The following GPATCH2 variants were observed in gnomAD, a reference collection of about 807,000 sequenced individuals.
The protein encoded by GPATCH2 is G-patch domain containing 2.
Under a neutral mutation model 58.0 loss-of-function variants are expected in GPATCH2, and 51 were observed. That is an observed-to-expected ratio of 0.88 (90% CI 0.70 to 1.11). The LOEUF (loss-of-function observed/expected upper bound fraction) is 1.11, where lower values mean the gene tolerates loss of function less well. GPATCH2 is among the 50% of genes most tolerant of loss of function. The probability of loss-of-function intolerance (pLI) is 0.00; values close to 1 mark genes in which losing one functional copy is unlikely to be tolerated. For synonymous variants in GPATCH2, 222 were observed against 218.5 expected (o/e 1.02, Z -0.14); for missense variants, 625 against 652.2 (o/e 0.96, Z 0.45).
chr1:217,567,530 C>A (rs1016677820), intron 5 of GPATCH2, among the ~76,000 whole-genome samples: 1 of 152,182 alleles, frequency 6.6e-6, no homozygotes, highest in Non-Finnish European at 1.5e-5. Flanking sequence ...TTAGCTGGTT[C>A]TCAGTGCAAA....
chr1:217,591,232 T>C (rs1413145900), intron 5 of GPATCH2, among the ~76,000 whole-genome samples: 4 of 152,072 alleles, frequency 2.6e-5, no homozygotes, highest in Admixed American at 6.6e-5. Context: ...TGCATATATA[T>C]AATGGACATA....
chr1:217,503,640 T>C (rs1571820487), intron 6 of GPATCH2, among the ~76,000 whole-genome samples: 1 of 152,026 alleles, frequency 6.6e-6, no homozygotes, highest in South Asian at 2.1e-4. Flanking sequence ...GAACATAAGA[T>C]AAAAAAGCTG....
At chr1:217,598,255 G>C (rs182600919) in intron 5 of GPATCH2, among the ~76,000 whole-genome samples, 1 of 151,916 alleles carries the variant, frequency 6.6e-6, no homozygotes, top group African/African-American at 2.4e-5. Context: ...AAGTGTGGTG[G>C]TGCATGCCTG....
At chr1:217,502,205 C>A (rs1213104524) in intron 6 of GPATCH2, among the ~76,000 whole-genome samples, 1 of 151,884 alleles carries the variant, frequency 6.6e-6, no homozygotes, top group Non-Finnish European at 1.5e-5. Flanking sequence ...GATTCAAATT[C>A]CTTTGCTTTT....
chr1:217,558,596 C>T (rs1182562803), intron 5 of GPATCH2, among the ~76,000 whole-genome samples: 1 of 152,034 alleles, frequency 6.6e-6, no homozygotes, highest in East Asian at 1.9e-4. Context: ...TGGTACGTTC[C>T]CTGTTTAGAC....
intron 5 of GPATCH2, chr1:217,610,112 C>T: frequency 6.5e-7 from 1 of 1,543,374 alleles, no homozygotes; most frequent in Non-Finnish European, 8.7e-7. Flanking sequence ...AATGTCATTC[C>T]CCAGATGTTC....
chr1:217,562,409 C>T (rs149520903), intron 5 of GPATCH2, among the ~76,000 whole-genome samples: 2,840 of 152,256 alleles, frequency 0.019, 43 homozygotes, highest in Middle Eastern at 0.085. Context: ...TGCCTTGGCA[C>T]CTTCACTAGG....
rs557857652 is a variant in GPATCH2, at chr1:217,539,530, C to T, written c.1099-24641G>A. The stretch of plus-strand genomic sequence containing the variant: ...TCAATAAATAAATTTGGTCTCAGCA[C>T]TCCCAATCAGTGCTGCACAATCCCC... On this transcript the variant is annotated intron_variant, in intron 5 of 9. Transcript: ENST00000366935. 6.6e-4 allele frequency among the ~76,000 whole-genome samples: 100 copies of T among 152,298 alleles called. 1 individual carries two copies. Among genetic ancestry groups the T allele is most frequent in the Middle Eastern group, 3.4e-3 (1 of 294 alleles).
At chr1:217,531,216 T>C (rs1356450499) in intron 5 of GPATCH2, among the ~76,000 whole-genome samples, 1 of 152,254 alleles carries the variant, frequency 6.6e-6, no homozygotes, top group Non-Finnish European at 1.5e-5. Context: ...ATCTGCCTCA[T>C]GTTAGAATTA....
At chr1:217,460,928 A>G (rs1571740981) in intron 8 of GPATCH2, among the ~76,000 whole-genome samples, 1 of 152,336 alleles carries the variant, frequency 6.6e-6, no homozygotes, top group South Asian at 2.1e-4. Context: ...ATTTACTTGC[A>G]TAATTGATTT....
rs551308281 is a variant in GPATCH2, at chr1:217,577,133, A to G, written c.1098+33188T>C. Among the ~76,000 whole-genome samples the G allele has an allele frequency of 3.0e-3, 455 of 152,318 alleles. 1 individual carries two copies. Among genetic ancestry groups the G allele is most frequent in the African/African-American group, 0.01 (424 of 41,568 alleles). On this transcript the variant is annotated intron_variant, in intron 5 of 9. Coordinates refer to ENST00000366935, the MANE Select transcript of GPATCH2 (RefSeq NM_018040.5). Reference sequence around the variant, plus strand: ...ACAGCTAAGCAAAGATTTAATAGAAACCCGCATCTGTCTATAAGTACAGGA... The same window carrying G: ...ACAGCTAAGCAAAGATTTAATAGAAGCCCGCATCTGTCTATAAGTACAGGA...
intron 5 of GPATCH2, among the ~76,000 whole-genome samples, chr1:217,523,874 G>A (rs1318258689): frequency 2.1e-4 from 31 of 147,302 alleles, no homozygotes; most frequent in Admixed American, 2.7e-4. Context: ...CCTCCCTCCC[G>A]GATGGGGCGG....
chr1:217,547,240 G>A (rs564089865), intron 5 of GPATCH2, among the ~76,000 whole-genome samples: 9 of 152,208 alleles, frequency 5.9e-5, no homozygotes, highest in Non-Finnish European at 1.2e-4. Context: ...GTGGGCACCT[G>A]TAATCCCAGC....
chr1:217,612,987 A>G (rs1668703453), intron 3 of GPATCH2, among the ~76,000 whole-genome samples: 1 of 152,152 alleles, frequency 6.6e-6, no homozygotes, highest in East Asian at 1.9e-4. Flanking sequence ...AAGCCTTTCC[A>G]TACTTATCAA....
At chr1:217,614,359 C>G (rs925043414) in intron 2 of GPATCH2, among the ~76,000 whole-genome samples, 157 bp from the exon 3 acceptor site, 1 of 151,850 alleles carries the variant, frequency 6.6e-6, no homozygotes, top group Non-Finnish European at 1.5e-5. Context: ...CTGCTAATAT[C>G]CTGGTTCCAT....
Position 217,535,498 on chromosome 1 carries a change from C to T in GPATCH2, c.1099-20609G>A, listed in dbSNP as rs560691086. On this transcript the variant is annotated intron_variant, in intron 5 of 9. Transcript: ENST00000366935. ...CACAGTAGGTGGGACTACAGGTGCCCGCCACCACGCCTGGCTAATTTGTTT... is the reference window on the plus strand; with the variant it reads ...CACAGTAGGTGGGACTACAGGTGCCTGCCACCACGCCTGGCTAATTTGTTT... Among the ~76,000 whole-genome samples the T allele has an allele frequency of 3.9e-5, 6 of 152,212 alleles. No individual in the cohort carries two copies. The South Asian group carries it at 8.3e-4, about 21-fold the overall frequency.
intron 5 of GPATCH2, among the ~76,000 whole-genome samples, chr1:217,575,402 A>C (rs1294497094): frequency 6.6e-6 from 1 of 152,210 alleles, no homozygotes; most frequent in East Asian, 1.9e-4. Context: ...GGTTTATGTC[A>C]ATTTTGTTTC....
chr1:217,449,303 C>T lies in GPATCH2; in HGVS notation c.1312G>A (p.Gly438Arg), dbSNP rs1291415442. The T allele has an allele frequency of 1.2e-6, 2 of 1,608,848 alleles. No individual in the cohort carries two copies. Among genetic ancestry groups the T allele is most frequent in the Non-Finnish European group, 1.7e-6 (2 of 1,175,410 alleles). The change falls in exon 9 of 10, where the codon GGA (glycine) becomes AGA (arginine). Residue 438 changes from glycine to arginine, a missense_variant. Physicochemically the swap from Gly to Arg is moderately radical, Grantham distance 125. Coordinates refer to ENST00000366935, the MANE Select transcript of GPATCH2 (RefSeq NM_018040.5). ...TSMHLGSLCT[G>R]DIKRRRKAAP... ...GCTTTTCTTCTCCGTTTGATATCTC[C>T]CGTGCATAAGGATCCTAAATGCATG...
chr1:217,499,804 A>G (rs969485253), intron 6 of GPATCH2, among the ~76,000 whole-genome samples: 3 of 152,020 alleles, frequency 2.0e-5, no homozygotes, highest in African/African-American at 7.2e-5. Context: ...GAAAAAAACT[A>G]AAAGGATTAA....
Sources: gnomAD v4.1 joint callset for allele counts (sites outside exome capture counted in the v4.1 genomes callset) on GRCh38, gnomAD v4.1.1 for gene constraint, MANE v1.5 for transcripts, NCBI Gene and HGNC (gene_info 2026-07-23, HGNC 2026-07-21) for gene names.